COP1: variants seen among roughly 807,000 people sequenced by gnomAD.
COP1 encodes the protein E3 ubiquitin-protein ligase COP1.
A neutral mutation model predicts 101.3 loss-of-function variants in COP1; 24 were observed. The ratio of observed to expected loss-of-function variants is 0.24; its 90% confidence interval spans 0.17 to 0.33. The LOEUF is 0.33. COP1 is among the 10% of genes least tolerant of loss of function. The pLI is 1.00. For synonymous variants in COP1, 347 were observed against 341.9 expected, an observed-to-expected ratio of 1.01 and a Z score of -0.17; for missense variants, 663 against 906.2, an observed-to-expected ratio of 0.73 and a Z score of 3.45.
chr1:175,948,245 G>A (rs1649431114), intron 18 of COP1, among the ~76,000 whole-genome samples: 1 of 152,228 alleles, frequency 6.6e-6, no homozygotes, highest in African/African-American at 2.4e-5. Context: ...AAAGTAGGAA[G>A]AATGGAGACA....
At chr1:176,006,681 C>A (rs1663319696) in intron 15 of COP1, among the ~76,000 whole-genome samples, 2 of 152,194 alleles carry the variant, frequency 1.3e-5, no homozygotes, top group African/African-American at 4.8e-5. Flanking sequence ...TTGGCACCCA[C>A]TCTCTTCTGG....
chr1:176,058,548 G>T (rs894569811), intron 11 of COP1, among the ~76,000 whole-genome samples: 1 of 152,280 alleles, frequency 6.6e-6, no homozygotes, highest in Admixed American at 6.5e-5. Context: ...TTAAACAGAT[G>T]ATTGAAGGCA....
chr1:176,159,907 C>T (rs1018689381), intron 5 of COP1, among the ~76,000 whole-genome samples: 1 of 152,044 alleles, frequency 6.6e-6, no homozygotes, highest in Non-Finnish European at 1.5e-5. Context: ...AAGACATACG[C>T]CAAAATCTTC....
chr1:176,129,876 T>G (rs1688621590), intron 8 of COP1, among the ~76,000 whole-genome samples: 1 of 151,812 alleles, frequency 6.6e-6, no homozygotes, highest in Non-Finnish European at 1.5e-5. Context: ...ATCTAACGAA[T>G]AGTATGCTAA....
At chr1:176,173,845 G>A (rs769717345) in intron 3 of COP1, among the ~76,000 whole-genome samples, 51 of 151,160 alleles carry the variant, frequency 3.4e-4, no homozygotes, top group Non-Finnish European at 5.3e-4. Context: ...AAAATTAGCC[G>A]GGTACAGTGG....
At chr1:175,949,764 G>C (rs570811415) in intron 18 of COP1, among the ~76,000 whole-genome samples, 1 of 152,290 alleles carries the variant, frequency 6.6e-6, no homozygotes, top group South Asian at 2.1e-4. Context: ...AAAGCCGAAA[G>C]CTCCATCTCC....
intron 18 of COP1, among the ~76,000 whole-genome samples, chr1:175,947,638 G>A (rs1367204366): frequency 6.6e-6 from 1 of 152,122 alleles, no homozygotes; most frequent in East Asian, 1.9e-4. Context: ...CCAAAGTGCT[G>A]GGATTACAGG....
intron 18 of COP1, among the ~76,000 whole-genome samples, chr1:175,950,096 C>G (rs1649680537): frequency 6.6e-6 from 1 of 152,032 alleles, no homozygotes. Context: ...TGAATAAACA[C>G]TGTCTTACTG....
intron 1 of COP1, among the ~76,000 whole-genome samples, chr1:176,197,321 G>A (rs1343430318): frequency 6.6e-6 from 1 of 152,186 alleles, no homozygotes; most frequent in Non-Finnish European, 1.5e-5. Context: ...AGATGAGGGA[G>A]GAGGATCCCT....
intron 1 of COP1, among the ~76,000 whole-genome samples, chr1:176,190,169 C>T (rs957461951): frequency 2.6e-5 from 4 of 152,024 alleles, no homozygotes; most frequent in African/African-American, 9.7e-5. Flanking sequence ...GTTTCAGATT[C>T]GGATCTGTCT....
At chr1:176,182,887 A>G (rs559919718) in intron 2 of COP1, among the ~76,000 whole-genome samples, 3 of 152,198 alleles carry the variant, frequency 2.0e-5, no homozygotes, top group Non-Finnish European at 4.4e-5. Context: ...AAAATGACTT[A>G]AAAAAATAGT....
intron 15 of COP1, among the ~76,000 whole-genome samples, chr1:176,000,861 GGGGATT>G (rs1402764284): frequency 6.6e-6 from 1 of 151,604 alleles, no homozygotes; most frequent in Non-Finnish European, 1.5e-5. Flanking sequence ...TGTTTTTTCT[GGGGATT>G]ATAATTGGCA....
intron 18 of COP1, among the ~76,000 whole-genome samples, chr1:175,958,965 A>G (rs1423058143): frequency 6.6e-6 from 1 of 151,966 alleles, no homozygotes; most frequent in Non-Finnish European, 1.5e-5. Flanking sequence ...TGCTTTATGA[A>G]GTTAATATAC....
At chr1:175,969,060 T>A (rs936553949) in intron 18 of COP1, among the ~76,000 whole-genome samples, 6 of 152,210 alleles carry the variant, frequency 3.9e-5, no homozygotes, top group African/African-American at 1.4e-4. Context: ...GCAAATTTCC[T>A]CCAGACTACT....
chr1:175,989,581 A>T, intron 15 of COP1, 102 bp from the exon 16 acceptor site: 1 of 644,002 alleles, frequency 1.6e-6, no homozygotes, highest in Non-Finnish European at 2.8e-6. Context: ...TTCACATATG[A>T]TGTCTAATCT....
chr1:176,077,124 T>A (rs1033167688), intron 11 of COP1, among the ~76,000 whole-genome samples: 1 of 152,182 alleles, frequency 6.6e-6, no homozygotes, highest in African/African-American at 2.4e-5. Flanking sequence ...ATTTATTCTA[T>A]GAATCCAGCA....
chr1:176,206,471 G>A, intron 1 of COP1, 101 bp downstream of exon 1: 1 of 1,384,820 alleles, frequency 7.2e-7, no homozygotes, highest in African/African-American at 1.4e-5. Context: ...AGTATCCCAA[G>A]CTCTCCAACA....
At chr1:175,994,748 G>C (rs1460137980) in intron 15 of COP1, among the ~76,000 whole-genome samples, 1 of 152,144 alleles carries the variant, frequency 6.6e-6, no homozygotes, top group East Asian at 1.9e-4. Context: ...CATAAAGCAA[G>C]TCCTGAGTGA....
intron 9 of COP1, among the ~76,000 whole-genome samples, chr1:176,114,521 G>A (rs1207833525): frequency 1.3e-5 from 2 of 149,628 alleles, no homozygotes; most frequent in Non-Finnish European, 3.0e-5. Context: ...ACAAATAAAT[G>A]TTCATTAAAA....
Sources: gnomAD v4.1 joint callset for allele counts (sites outside exome capture counted in the v4.1 genomes callset) on GRCh38, gnomAD v4.1.1 for gene constraint, MANE v1.5 for transcripts, NCBI Gene and HGNC (gene_info 2026-07-23, HGNC 2026-07-21) for gene names.